SCLT1: variants seen among roughly 807,000 people sequenced by gnomAD.
SCLT1 encodes the protein sodium channel-associated protein 1.
A neutral mutation model predicts 112.8 loss-of-function variants in SCLT1; 78 were observed. That is an observed-to-expected ratio of 0.69 (90% CI 0.58 to 0.83). The LOEUF (loss-of-function observed/expected upper bound fraction) is 0.83. Ranked by LOEUF, SCLT1 falls within the 40% of genes least tolerant of loss-of-function variation. The pLI is 0.00. For synonymous variants in SCLT1, 257 were observed against 254.7 expected (o/e 1.01, Z -0.09); for missense variants, 747 against 770.4 (o/e 0.97, Z 0.36).
intron 8 of SCLT1, among the ~76,000 whole-genome samples, chr4:128,995,377 G>A (rs911737577): frequency 2.0e-4 from 30 of 152,108 alleles, no homozygotes; most frequent in Admixed American, 9.8e-4. Flanking sequence ...TAACTGTGGT[G>A]AGCATCTTCA....
chr4:128,946,178 T>C (rs1738146863), intron 15 of SCLT1, 26 bp from the exon 16 acceptor site: 1 of 1,507,728 alleles, frequency 6.6e-7, no homozygotes, highest in South Asian at 1.2e-5. Flanking sequence ...ATTAGGTATA[T>C]AATATTACAG....
chr4:129,039,888 G>A, intron 4 of SCLT1: 1 of 214,338 alleles, frequency 4.7e-6, no homozygotes, highest in Non-Finnish European at 8.0e-6. Context: ...CAAATGGAGA[G>A]TGTGCGCGCG....
intron 18 of SCLT1, 65 bp from the exon 19 acceptor site, chr4:128,891,202 G>A: frequency 8.3e-7 from 1 of 1,206,658 alleles, no homozygotes; most frequent in Non-Finnish European, 1.2e-6. Flanking sequence ...ATCTTTATTA[G>A]CAAGATACAT....
intron 5 of SCLT1, 28 bp from the exon 6 acceptor site, chr4:129,003,904 C>A: frequency 6.2e-7 from 1 of 1,602,018 alleles, no homozygotes; most frequent in Non-Finnish European, 8.5e-7. Context: ...AACATGATAG[C>A]CTCAAGTCAT....
intron 18 of SCLT1, among the ~76,000 whole-genome samples, chr4:128,928,824 C>G (rs1306338011): frequency 1.1e-5 from 1 of 91,502 alleles, no homozygotes; most frequent in African/African-American, 4.8e-5. Flanking sequence ...AAGAGCGAAA[C>G]TCCGTCTCGC....
intron 2 of SCLT1, among the ~76,000 whole-genome samples, chr4:129,057,556 G>GTTT (rs35509030): frequency 7.1e-6 from 1 of 140,366 alleles, no homozygotes; most frequent in Non-Finnish European, 1.5e-5. Flanking sequence ...TCCTGAGCTA[G>GTTT]TTTTTTTTTT....
At chr4:128,950,802 T>C (rs1471757179) in intron 14 of SCLT1, among the ~76,000 whole-genome samples, 5 of 152,176 alleles carry the variant, frequency 3.3e-5, no homozygotes, top group Non-Finnish European at 5.9e-5. Flanking sequence ...TTTTGTAAGT[T>C]TGAACATTTT....
rs143012346 is a variant in SCLT1, at chr4:129,073,579, T to C, written c.102+8727A>G. ...CCTATCACATTTCACTCCATTTTAA[T>C]TTACCTTATAGATCACACTAATGCC... On this transcript the variant is annotated intron_variant, in intron 2 of 20. Coordinates refer to ENST00000281142, the MANE Select transcript of SCLT1 (RefSeq NM_144643.4). 5.4e-3 allele frequency among the ~76,000 whole-genome samples: 820 copies of C among 152,274 alleles called. 8 individuals carry two copies. Among genetic ancestry groups the C allele is most frequent in the African/African-American group, 0.019 (771 of 41,556 alleles).
Position 128,936,676 on chromosome 4 carries a change from T to G in SCLT1, c.1808A>C (p.Glu603Ala), listed in dbSNP as rs1410223845. 6.3e-7 allele frequency: 1 copy of G among 1,598,880 alleles called. No homozygotes were observed. Among genetic ancestry groups the G allele is most frequent in the South Asian group, 1.1e-5 (1 of 88,170 alleles). Reference sequence around the variant, plus strand: ...TTACTTTAGATTATTGATTCTAATTTCTGCACTTTCAGTAAGTTTCTTCGT... The same window carrying G: ...TTACTTTAGATTATTGATTCTAATTGCTGCACTTTCAGTAAGTTTCTTCGT... ...EETKKLTESA[E>A]IRINNLKSEL... The change falls in exon 18 of 21, where the codon GAA becomes GCA. Residue 603 changes from glutamate (E) to alanine (A), a missense_variant. Physicochemically the swap from Glu to Ala is moderately radical, Grantham distance 107. Around this residue, in one of 2 missense-constraint regions of SCLT1, gnomAD observed 723 missense variants for 721.3 expected, o/e 1.00. Transcript: ENST00000281142.
chr4:129,052,171 T>C (rs114873815), intron 2 of SCLT1, among the ~76,000 whole-genome samples: 1,827 of 152,296 alleles, frequency 0.012, 22 homozygotes, highest in South Asian at 0.022. Flanking sequence ...TCAGGGATAA[T>C]GGACTGAAAT....
At chr4:128,984,571 A>AT (rs921829342) in intron 9 of SCLT1, among the ~76,000 whole-genome samples, 1 of 151,992 alleles carries the variant, frequency 6.6e-6, no homozygotes, top group Admixed American at 6.6e-5. Context: ...TCCTATATAG[A>AT]TTTTTTTATA....
intron 17 of SCLT1, among the ~76,000 whole-genome samples, chr4:128,940,063 A>G (rs1477829825): frequency 1.3e-5 from 2 of 152,096 alleles, no homozygotes; most frequent in Non-Finnish European, 2.9e-5. Context: ...TAAACTTTCT[A>G]TTACTCTTTT....
Position 128,912,548 on chromosome 4 carries a change from G to A in SCLT1, c.1830-21411C>T, listed in dbSNP as rs191610402. Among the ~76,000 whole-genome samples the A allele has an allele frequency of 1.1e-4, 16 of 152,190 alleles. No homozygotes were observed. In the East Asian group the frequency reaches 3.1e-3, roughly 29 times the overall value. ...TTATTGATTTCATGCATAATCTTCAGTATTATTTATGTTCTCCAAAAAGGA... is the reference window on the plus strand; with the variant it reads ...TTATTGATTTCATGCATAATCTTCAATATTATTTATGTTCTCCAAAAAGGA... On this transcript the variant is annotated intron_variant, in intron 18 of 20. Transcript: ENST00000281142.
intron 10 of SCLT1, among the ~76,000 whole-genome samples, chr4:128,969,993 A>G (rs999235660): frequency 6.6e-6 from 1 of 152,196 alleles, no homozygotes; most frequent in Non-Finnish European, 1.5e-5. Flanking sequence ...AAATTTCTCT[A>G]TTACATATTA....
At chr4:128,896,418 T>C (rs924952971) in intron 18 of SCLT1, among the ~76,000 whole-genome samples, 10 of 152,206 alleles carry the variant, frequency 6.6e-5, no homozygotes, top group Non-Finnish European at 1.5e-4. Context: ...AAACAGGGTC[T>C]GGAGTGGACC....
chr4:128,938,853 G>T (rs570264568), intron 17 of SCLT1, among the ~76,000 whole-genome samples: 1 of 152,066 alleles, frequency 6.6e-6, no homozygotes, highest in Non-Finnish European at 1.5e-5. Flanking sequence ...GAGGTGGTGG[G>T]TGCCTGTAAT....
At chr4:128,909,948 C>T (rs1316526676) in intron 18 of SCLT1, among the ~76,000 whole-genome samples, 1 of 152,042 alleles carries the variant, frequency 6.6e-6, no homozygotes, top group Non-Finnish European at 1.5e-5. Context: ...AGTAAAATAA[C>T]TGTAACAGCA....
intron 18 of SCLT1, 126 bp from the exon 19 acceptor site, chr4:128,891,263 TACTAATAG>T: frequency 1.5e-6 from 1 of 681,632 alleles, no homozygotes; most frequent in Non-Finnish European, 2.5e-6. Context: ...TAAAGTCACT[TACTAATAG>T]ACCATATCTC....
At chr4:129,087,259 A>G (rs529937570) in intron 1 of SCLT1, among the ~76,000 whole-genome samples, 22 of 152,350 alleles carry the variant, frequency 1.4e-4, no homozygotes, top group African/African-American at 5.1e-4. Flanking sequence ...AGTACTGAAT[A>G]GCTCTTTATT....
Sources: allele counts gnomAD v4.1 joint callset (sites outside exome capture counted in the v4.1 genomes callset), GRCh38; gene constraint gnomAD v4.1.1; regional missense constraint gnomAD v4.1.1; transcripts MANE v1.5; gene names NCBI Gene and HGNC (gene_info 2026-07-23, HGNC 2026-07-21).